DEPDC5: variants seen among roughly 807,000 people sequenced by gnomAD.
The protein encoded by DEPDC5 is GATOR1 complex protein DEPDC5.
Under a neutral mutation model 217.3 loss-of-function variants are expected in DEPDC5, and 73 were observed. That is an observed-to-expected ratio of 0.34 (90% CI 0.28 to 0.41). The LOEUF (loss-of-function observed/expected upper bound fraction) is 0.41. DEPDC5 is among the 10% of genes least tolerant of loss of function. The pLI is 1.00. For synonymous variants in DEPDC5, 733 were observed against 756.7 expected, an observed-to-expected ratio of 0.97 and a Z score of 0.51; for missense variants, 1,675 against 2,070.1, an observed-to-expected ratio of 0.81 and a Z score of 3.70.
At chr22:31,804,049 A>G in intron 15 of DEPDC5, 113 bp from the exon 16 acceptor site, 1 of 948,206 alleles carries the variant, frequency 1.1e-6, no homozygotes, top group Non-Finnish European at 1.7e-6. Flanking sequence ...TATAAATCAT[A>G]CAATGGTAAG....
intron 38 of DEPDC5, among the ~76,000 whole-genome samples, chr22:31,891,908 C>G (rs2093445983): frequency 1.3e-5 from 2 of 152,206 alleles, no homozygotes; most frequent in Admixed American, 1.3e-4. Context: ...TGACACGTCT[C>G]TGAAACATCC....
intron 10 of DEPDC5, among the ~76,000 whole-genome samples, chr22:31,788,878 A>G (rs2085321840): frequency 1.3e-5 from 2 of 150,356 alleles, no homozygotes; most frequent in South Asian, 2.1e-4. Flanking sequence ...GACTGGGCCC[A>G]TATTCTTTAT....
chr22:31,852,547 C>A (rs1354291672), intron 31 of DEPDC5, among the ~76,000 whole-genome samples: 1 of 152,098 alleles, frequency 6.6e-6, no homozygotes, highest in Non-Finnish European at 1.5e-5. Flanking sequence ...CCGTGGTGGT[C>A]AGGCTGATCT....
intron 14 of DEPDC5, among the ~76,000 whole-genome samples, chr22:31,799,798 C>CATT (rs1237771354): frequency 5.0e-5 from 6 of 119,230 alleles, no homozygotes; most frequent in Admixed American, 1.7e-4. Flanking sequence ...CCATGCCCGG[C>CATT]CTTTTTTTTT....
chr22:31,801,117 A>C (rs1341151206), intron 14 of DEPDC5, among the ~76,000 whole-genome samples: 1 of 151,418 alleles, frequency 6.6e-6, no homozygotes, highest in Non-Finnish European at 1.5e-5. Flanking sequence ...ACATGGCGAA[A>C]CCCCATCTTT....
chr22:31,755,776 T>C (rs1023889574), intron 2 of DEPDC5, among the ~76,000 whole-genome samples: 1 of 152,096 alleles, frequency 6.6e-6, no homozygotes, highest in African/African-American at 2.4e-5. Context: ...TTTTTTTCTT[T>C]TGTAAGGGAA....
rs1192002079 is a variant in DEPDC5 at position 31,846,970 on chromosome 22, A to G, written c.3155+3A>G. 2 of 1,614,114 alleles carry G rather than the reference A, an allele frequency of 1.2e-6. No homozygotes were observed. Among genetic ancestry groups the G allele is most frequent in the East Asian group, 2.2e-5 (1 of 44,898 alleles). On this transcript the variant is annotated splice_donor_region_variant and intron_variant, in intron 31 of 42. Transcript: ENST00000651528. ...TTGGAGATGGAGGCCAGTCAGAAGT[A>G]AGTGCTTGGTGGAAGACTGACTTGT... is the stretch of plus-strand genomic sequence containing the variant.
intron 6 of DEPDC5, among the ~76,000 whole-genome samples, chr22:31,768,610 T>C (rs1360763783): frequency 6.6e-6 from 1 of 152,230 alleles, no homozygotes; most frequent in Non-Finnish European, 1.5e-5. Context: ...AAGCACCTAC[T>C]GTCATACCTA....
At chr22:31,768,772 C>A in intron 6 of DEPDC5, 42 bp from the exon 7 acceptor site, 1 of 1,441,504 alleles carries the variant, frequency 6.9e-7, no homozygotes, top group Non-Finnish European at 9.6e-7. Context: ...CACCCTCTCT[C>A]CCTCCCTCCC....
chr22:31,790,011 A>G (rs1379186640), intron 10 of DEPDC5, among the ~76,000 whole-genome samples: 1 of 152,108 alleles, frequency 6.6e-6, no homozygotes, highest in Non-Finnish European at 1.5e-5. Context: ...ATGAGTTGAG[A>G]CACTCCATGC....
intron 34 of DEPDC5, among the ~76,000 whole-genome samples, chr22:31,871,674 A>G (rs894537673): frequency 2.0e-5 from 3 of 152,242 alleles, no homozygotes; most frequent in South Asian, 4.1e-4. Flanking sequence ...CTCATTGCTT[A>G]CAAGGGTAGA....
intron 6 of DEPDC5, 146 bp from the exon 7 acceptor site, chr22:31,768,667 TC>T (rs2083039056): frequency 1.6e-6 from 1 of 641,978 alleles, no homozygotes; most frequent in African/African-American, 1.8e-5. Context: ...ACAAGCTAGT[TC>T]AACTTTGGGT....
rs935958357 is a variant in DEPDC5 at position 31,761,513 on chromosome 22, T to TA, written c.193+821dup. On this transcript the variant is annotated intron_variant, in intron 4 of 42. Coordinates refer to ENST00000651528, the MANE Select transcript of DEPDC5 (RefSeq NM_001242896.3). ...TCTTCTTATCAAACTATGTTGCCACTAAAAAAAAAATTGTAAAGTGACGCT... is the reference window on the plus strand; with the variant it reads ...TCTTCTTATCAAACTATGTTGCCACTAAAAAAAAAAATTGTAAAGTGACGCT... Among the ~76,000 whole-genome samples the TA allele has an allele frequency of 3.2e-3, 477 of 148,050 alleles. 1 individual carries two copies. The highest frequency in any genetic ancestry group is 3.4e-3 in the Middle Eastern group (1 of 292).
chr22:31,889,298 A>G (rs1424534859), intron 38 of DEPDC5, among the ~76,000 whole-genome samples: 1 of 152,252 alleles, frequency 6.6e-6, no homozygotes, highest in Non-Finnish European at 1.5e-5. Flanking sequence ...AATCCGCTAG[A>G]AACATATGTA....
chr22:31,768,492 G>A (rs2083021975), intron 6 of DEPDC5, among the ~76,000 whole-genome samples: 1 of 152,164 alleles, frequency 6.6e-6, no homozygotes, highest in African/African-American at 2.4e-5. Context: ...AAATGAGTAT[G>A]TAAATGCAGA....
chr22:31,764,424 T>C (rs1163854687), intron 4 of DEPDC5, among the ~76,000 whole-genome samples: 2 of 151,982 alleles, frequency 1.3e-5, no homozygotes, highest in Non-Finnish European at 2.9e-5. Context: ...ATTTAATTTA[T>C]TTATTTATTG....
chr22:31,820,603 A>G (rs773383051), intron 22 of DEPDC5, among the ~76,000 whole-genome samples: 6 of 152,004 alleles, frequency 3.9e-5, no homozygotes, highest in East Asian at 1.9e-4. Flanking sequence ...CAGTCACACT[A>G]CTTGTTTCTT....
At chr22:31,902,133 A>G (rs2093658464) in intron 41 of DEPDC5, among the ~76,000 whole-genome samples, 1 of 152,152 alleles carries the variant, frequency 6.6e-6, no homozygotes, top group Non-Finnish European at 1.5e-5. Flanking sequence ...AAAATGTGTC[A>G]AGAGCCCAAC....
chr22:31,830,661 GTGTGTGT>G (rs895493173), intron 24 of DEPDC5, among the ~76,000 whole-genome samples: 3 of 151,312 alleles, frequency 2.0e-5, no homozygotes, highest in African/African-American at 7.4e-5. Flanking sequence ...GTGTGTGTGT[GTGTGTGT>G]GTAGGTAGGT....
Sources: gnomAD v4.1 joint callset for allele counts (sites outside exome capture counted in the v4.1 genomes callset) on GRCh38, gnomAD v4.1.1 for gene constraint, MANE v1.5 for transcripts, NCBI Gene and HGNC (gene_info 2026-07-23, HGNC 2026-07-21) for gene names.